Variants in KIRREL3 observed in about 807,000 individuals in gnomAD.
The protein encoded by KIRREL3 is kirre like nephrin family adhesion molecule 3.
A neutral mutation model predicts 89.7 loss-of-function variants in KIRREL3; 36 were observed. The ratio of observed to expected loss-of-function variants is 0.40; its 90% CI spans 0.31 to 0.53. KIRREL3 has a LOEUF of 0.53. Ranked by LOEUF, KIRREL3 falls within the 20% of genes least tolerant of loss-of-function variation. The probability of loss-of-function intolerance (pLI) is 0.49; values close to 1 mark genes in which losing one functional copy is unlikely to be tolerated. For missense variants in KIRREL3, 864 were observed against 1,056.6 expected (o/e 0.82, Z 2.53); for synonymous variants, 445 against 441.4 (o/e 1.01, Z -0.10).
chr11:126,468,238 C>T (rs1956785951), intron 5 of KIRREL3, among the ~76,000 whole-genome samples: 1 of 152,230 alleles, frequency 6.6e-6, no homozygotes, highest in Admixed American at 6.5e-5. Flanking sequence ...ATGTGGTCTC[C>T]ACTCTGGCGC....
intron 13 of KIRREL3, among the ~76,000 whole-genome samples, chr11:126,434,343 C>T (rs1314713884): frequency 2.0e-5 from 3 of 152,230 alleles, no homozygotes; most frequent in South Asian, 2.1e-4. Flanking sequence ...ACAGGAGACA[C>T]CACCCTCAGC....
At chr11:126,504,234 T>A (rs1046875756) in intron 4 of KIRREL3, among the ~76,000 whole-genome samples, 2 of 152,118 alleles carry the variant, frequency 1.3e-5, no homozygotes, top group Non-Finnish European at 2.9e-5. Context: ...CCAGCCTGAG[T>A]CCCTCATCTC....
At position 126,563,346 on chromosome 11, in the gene KIRREL3, G is replaced by C. The variant is rs1940269380; in HGVS notation, c.56-434C>G. Among the ~76,000 whole-genome samples the C allele has an allele frequency of 6.6e-6, 1 of 152,168 alleles. No homozygotes were observed. The highest frequency in any genetic ancestry group is 2.4e-5 in the African/African-American group (1 of 41,450). On this transcript the variant is annotated intron_variant, in intron 1 of 16. Transcript: ENST00000525144. The surrounding 1 kb of genome is among the most constrained non-coding windows in gnomAD (Gnocchi z 6.8). ...GGCCAGACCTGCCAGGGATGATGCAGAATCTATCCAGTCGTGTCTAGGATG... is the reference window on the plus strand; with the variant it reads ...GGCCAGACCTGCCAGGGATGATGCACAATCTATCCAGTCGTGTCTAGGATG...
Position 126,609,746 on chromosome 11 carries a change from T to C in KIRREL3, c.56-46834A>G, listed in dbSNP as rs1376709924. 1.3e-5 allele frequency among the ~76,000 whole-genome samples: 2 copies of C among 152,198 alleles called. No individual in the cohort carries two copies. The highest frequency in any genetic ancestry group is 1.3e-4 in the Admixed American group (2 of 15,290). ...TTCCAGATTAATCGGTATGGGGGTG[T>C]GGCTACAAGGTTTCAGAGCTCCCCA... is the stretch of plus-strand genomic sequence containing the variant. On this transcript the variant is annotated intron_variant, in intron 1 of 16. Transcript: ENST00000525144. The surrounding 1 kb of genome is among the most constrained non-coding windows in gnomAD (Gnocchi z 5.0).
chr11:126,826,968 C>T (rs1943438081), intron 1 of KIRREL3, among the ~76,000 whole-genome samples: 1 of 152,198 alleles, frequency 6.6e-6, no homozygotes, highest in Non-Finnish European at 1.5e-5. Flanking sequence ...GGTCATCCCC[C>T]TCCCTTTTCA....
rs541379623 is a variant in KIRREL3 at position 126,751,443 on chromosome 11, C to T, written c.56-188531G>A. On this transcript the variant is annotated intron_variant, in intron 1 of 16. Transcript: ENST00000525144. ...ATGAACTTGAAAGCTGTTTTAAAAA[C>T]ACTGCTCAAGTTTCTCTTCTGCTAG... Among the ~76,000 whole-genome samples the T allele has an allele frequency of 1.3e-4, 20 of 152,318 alleles. No individual in the cohort carries two copies. The South Asian group carries it at 4.1e-3, about 32-fold the overall frequency.
Position 126,615,386 on chromosome 11 carries a change from T to C in KIRREL3, c.56-52474A>G, listed in dbSNP as rs1189961750. Among the ~76,000 whole-genome samples, 2 of 152,174 alleles carry C rather than the reference T, an allele frequency of 1.3e-5. No individual in the cohort carries two copies. The highest frequency in any genetic ancestry group is 2.9e-5 in the Non-Finnish European group (2 of 68,024). On this transcript the variant is annotated intron_variant, in intron 1 of 16. Coordinates refer to ENST00000525144, the MANE Select transcript of KIRREL3 (RefSeq NM_032531.4). The surrounding 1 kb of genome is among the most constrained non-coding windows in gnomAD (Gnocchi z 5.4). ...GCTTTATCTTGTTTAACTCTCCTAATGCTTTAGAAGTAAGTATATTTATTA... is the reference window on the plus strand; with the variant it reads ...GCTTTATCTTGTTTAACTCTCCTAACGCTTTAGAAGTAAGTATATTTATTA...
rs1947650508 is a variant in KIRREL3, at chr11:126,709,010, C to G, written c.56-146098G>C. On this transcript the variant is annotated intron_variant, in intron 1 of 16. Coordinates refer to ENST00000525144, the MANE Select transcript of KIRREL3 (RefSeq NM_032531.4). The surrounding 1 kb of genome is among the most constrained non-coding windows in gnomAD (Gnocchi z 4.0). Reference sequence around the variant, plus strand: ...AACAGTTTCTGCCCCCACCCCAGGACAGCTTGTGTTATCACGGCCAGGTGG... The same window carrying G: ...AACAGTTTCTGCCCCCACCCCAGGAGAGCTTGTGTTATCACGGCCAGGTGG... 1.3e-5 allele frequency among the ~76,000 whole-genome samples: 2 copies of G among 152,224 alleles called. No homozygotes were observed. The highest frequency in any genetic ancestry group is 6.5e-5 in the Admixed American group (1 of 15,286).
rs1939905483 is a variant in KIRREL3, at chr11:126,558,931, G to T, written c.133+3904C>A. Among the ~76,000 whole-genome samples the T allele has an allele frequency of 6.6e-6, 1 of 152,202 alleles. No homozygotes were observed. The highest frequency in any genetic ancestry group is 6.5e-5 in the Admixed American group (1 of 15,282). On this transcript the variant is annotated intron_variant, in intron 2 of 16. Transcript: ENST00000525144. The surrounding 1 kb of genome is among the most constrained non-coding windows in gnomAD (Gnocchi z 4.0). ...AGGTGTGTGCATTGTGTGTGTATGTGTGTGTGCATGCTCATGTGTGTGTTG... is the reference window on the plus strand; with the variant it reads ...AGGTGTGTGCATTGTGTGTGTATGTTTGTGTGCATGCTCATGTGTGTGTTG...
rs946314717 is a variant in KIRREL3 at position 126,744,418 on chromosome 11, G to A, written c.56-181506C>T. The stretch of plus-strand genomic sequence containing the variant: ...AGGACTGCCATACTGTCCCAGACAT[G>A]CAGAACAGGCTGCTGGACTAGACGG... On this transcript the variant is annotated intron_variant, in intron 1 of 16. Coordinates refer to ENST00000525144, the MANE Select transcript of KIRREL3 (RefSeq NM_032531.4). The surrounding 1 kb of genome is among the most constrained non-coding windows in gnomAD (Gnocchi z 4.7). Among the ~76,000 whole-genome samples the A allele has an allele frequency of 2.0e-5, 3 of 152,226 alleles. No individual in the cohort carries two copies. The highest frequency in any genetic ancestry group is 7.2e-5 in the African/African-American group (3 of 41,452).
chr11:126,726,900 C>T (rs1161718512), intron 1 of KIRREL3, among the ~76,000 whole-genome samples: 2 of 152,206 alleles, frequency 1.3e-5, no homozygotes, highest in African/African-American at 2.4e-5. Flanking sequence ...TAAGACCTGG[C>T]TGTGATGTCC....
intron 2 of KIRREL3, among the ~76,000 whole-genome samples, chr11:126,560,206 C>T (rs1056063068): frequency 6.6e-6 from 1 of 152,100 alleles, no homozygotes; most frequent in East Asian, 1.9e-4. Flanking sequence ...TTCTTGCCTG[C>T]CCTTTGTTGA....
rs182431464 is a variant in KIRREL3 at position 126,755,226 on chromosome 11, C to T, written c.56-192314G>A. On this transcript the variant is annotated intron_variant, in intron 1 of 16. Coordinates refer to ENST00000525144, the MANE Select transcript of KIRREL3 (RefSeq NM_032531.4). This position sits in a 1 kb window ranked among gnomAD's most constrained non-coding sequence, Gnocchi z 4.3. ...GTAACCAGAGGGAAAAAAATGTATTCCCATCCGAGGCCCTTGCCTGCCCTC... is the reference window on the plus strand; with the variant it reads ...GTAACCAGAGGGAAAAAAATGTATTTCCATCCGAGGCCCTTGCCTGCCCTC... Among the ~76,000 whole-genome samples the T allele has an allele frequency of 4.5e-4, 68 of 152,280 alleles. No homozygotes were observed. Among genetic ancestry groups the T allele is most frequent in the Non-Finnish European group, 7.5e-4 (51 of 68,024 alleles).
In KIRREL3 at chr11:126,742,178, A is replaced by G. The variant is rs1343941857; in HGVS notation, c.56-179266T>C. Among the ~76,000 whole-genome samples, 1 of 152,218 alleles carries G rather than the reference A, an allele frequency of 6.6e-6. No homozygotes were observed. Among genetic ancestry groups the G allele is most frequent in the Non-Finnish European group, 1.5e-5 (1 of 68,040 alleles). Reference sequence around the variant, plus strand: ...GCTTTAAAATAAGCCTTTAGAACAAATGTAAATGGATCTTCAAAGAACAAT... The same window carrying G: ...GCTTTAAAATAAGCCTTTAGAACAAGTGTAAATGGATCTTCAAAGAACAAT... On this transcript the variant is annotated intron_variant, in intron 1 of 16. Transcript: ENST00000525144. This position sits in a 1 kb window ranked among gnomAD's most constrained non-coding sequence, Gnocchi z 5.3.
In KIRREL3 at chr11:126,520,089, G is replaced by A. The variant is rs972135706; in HGVS notation, c.433+1226C>T. On this transcript the variant is annotated intron_variant, in intron 4 of 16. Coordinates refer to ENST00000525144, the MANE Select transcript of KIRREL3 (RefSeq NM_032531.4). This position sits in a 1 kb window ranked among gnomAD's most constrained non-coding sequence, Gnocchi z 4.9. The stretch of plus-strand genomic sequence containing the variant: ...CCGAGCTTGGTAAGTGGTCCTCCGG[G>A]GCCTGTCTGCTGCACTGCTTGGAAT... 2.6e-5 allele frequency among the ~76,000 whole-genome samples: 4 copies of A among 152,140 alleles called. No homozygotes were observed. The highest frequency in any genetic ancestry group is 9.7e-5 in the African/African-American group (4 of 41,438).
Position 126,463,463 on chromosome 11 carries a change from A to G in KIRREL3, c.592-156T>C, listed in dbSNP as rs1453396189. 6.6e-6 allele frequency among the ~76,000 whole-genome samples: 1 copy of G among 152,070 alleles called. No individual in the cohort carries two copies. The highest frequency in any genetic ancestry group is 2.4e-5 in the African/African-American group (1 of 41,402). On this transcript the variant is annotated intron_variant, in intron 5 of 16. Coordinates refer to ENST00000525144, the MANE Select transcript of KIRREL3 (RefSeq NM_032531.4). The surrounding 1 kb of genome is among the most constrained non-coding windows in gnomAD (Gnocchi z 5.9). Reference sequence around the variant, plus strand: ...ACCTGGGCTGCCCATGTCTACGCAGAGCTCGGGGGTTACCCCCTGGCTCCC... The same window carrying G: ...ACCTGGGCTGCCCATGTCTACGCAGGGCTCGGGGGTTACCCCCTGGCTCCC...
At chr11:126,465,971 T>C (rs956765559) in intron 5 of KIRREL3, among the ~76,000 whole-genome samples, 1 of 152,162 alleles carries the variant, frequency 6.6e-6, no homozygotes, top group African/African-American at 2.4e-5. Context: ...GTATTCTTCT[T>C]CTCTTCTTTA....
At chr11:126,790,729 A>C (rs1640099459) in intron 1 of KIRREL3, among the ~76,000 whole-genome samples, 1 of 151,986 alleles carries the variant, frequency 6.6e-6, no homozygotes, top group African/African-American at 2.4e-5. Context: ...CCCTAATCGC[A>C]GACGTGGGAA....
At chr11:126,461,160 C>T (rs897010182) in intron 6 of KIRREL3, among the ~76,000 whole-genome samples, 2 of 152,246 alleles carry the variant, frequency 1.3e-5, no homozygotes, top group Non-Finnish European at 2.9e-5. Context: ...ATGTGACAGG[C>T]GTAGGCCCAG....
Sources: gnomAD v4.1 joint callset for allele counts (sites outside exome capture counted in the v4.1 genomes callset) on GRCh38, gnomAD v4.1.1 for gene constraint, Gnocchi (gnomAD v3.1) non-coding constraint, MANE v1.5 for transcripts, NCBI Gene and HGNC (gene_info 2026-07-23, HGNC 2026-07-21) for gene names.